Variants in MEGF9 observed in about 807,000 individuals in gnomAD.
MEGF9 encodes multiple epidermal growth factor-like domains protein 9.
MEGF9 carries 6 observed loss-of-function variants against 46.8 expected under a neutral mutation model. The observed-to-expected ratio is 0.13, with a 90% CI of 0.07 to 0.25. MEGF9 has a LOEUF of 0.25. MEGF9 is among the 10% of genes least tolerant of loss of function. MEGF9 has a pLI of 1.00. For synonymous variants in MEGF9, 302 were observed against 330.7 expected (o/e 0.91, Z 0.94); for missense variants, 683 against 792.4 (o/e 0.86, Z 1.66).
At position 120,605,799 on chromosome 9, in the gene MEGF9, T is replaced by C. The variant is rs1010982514; in HGVS notation, c.1358-158A>G. 6.6e-6 allele frequency among the ~76,000 whole-genome samples: 1 copy of C among 152,154 alleles called. No homozygotes were observed. Among genetic ancestry groups the C allele is most frequent in the Admixed American group, 6.5e-5 (1 of 15,274 alleles). The stretch of plus-strand genomic sequence containing the variant: ...GTTAAAAATAATGTTTAAAGAAATA[T>C]AGTGATAAGGGTAAGAATCAGGGTC... On this transcript the variant is annotated intron_variant, in intron 5 of 5. Transcript: ENST00000373930. This position sits in a 1 kb window ranked among gnomAD's most constrained non-coding sequence, Gnocchi z 4.0.
At chr9:120,693,834 T>G (rs1444521493) in intron 1 of MEGF9, among the ~76,000 whole-genome samples, 1 of 152,172 alleles carries the variant, frequency 6.6e-6, no homozygotes. Flanking sequence ...AATGTCATCC[T>G]GGCTAATGTA....
chr9:120,625,897 G>A (rs1389194001), intron 2 of MEGF9, among the ~76,000 whole-genome samples: 2 of 150,726 alleles, frequency 1.3e-5, no homozygotes, highest in Non-Finnish European at 3.0e-5. Flanking sequence ...AGCTTTGCCT[G>A]TGTGACTTCC....
At chr9:120,663,611 G>A (rs1001474068) in intron 1 of MEGF9, among the ~76,000 whole-genome samples, 3 of 152,322 alleles carry the variant, frequency 2.0e-5, no homozygotes, top group Middle Eastern at 3.4e-3. Context: ...TCTGCAACAT[G>A]ATTAATGGCA....
At chr9:120,699,485 C>T (rs925209331) in intron 1 of MEGF9, among the ~76,000 whole-genome samples, 3 of 151,120 alleles carry the variant, frequency 2.0e-5, no homozygotes, top group Non-Finnish European at 4.4e-5. Context: ...TGTGAGGCTG[C>T]GATAGGAAGA....
intron 2 of MEGF9, among the ~76,000 whole-genome samples, chr9:120,635,028 T>C (rs974384528): frequency 6.6e-6 from 1 of 152,232 alleles, no homozygotes; most frequent in Non-Finnish European, 1.5e-5. Flanking sequence ...CCTCAGTTTT[T>C]GCTTATCTGG....
intron 1 of MEGF9, 135 bp downstream of exon 1, chr9:120,713,623 G>A: frequency 1.7e-6 from 2 of 1,185,170 alleles, no homozygotes; most frequent in Non-Finnish European, 2.1e-6. Flanking sequence ...AGCTGGACCT[G>A]GGATCCCCCC....
intron 2 of MEGF9, among the ~76,000 whole-genome samples, chr9:120,631,800 C>A (rs1358477329): frequency 1.3e-5 from 2 of 152,100 alleles, no homozygotes; most frequent in Non-Finnish European, 2.9e-5. Flanking sequence ...TTTTCTATTT[C>A]TGTGAAGAAT....
chr9:120,699,389 T>A (rs1360161566), intron 1 of MEGF9, among the ~76,000 whole-genome samples: 1 of 152,082 alleles, frequency 6.6e-6, no homozygotes, highest in Non-Finnish European at 1.5e-5. Context: ...CTACAATGTT[T>A]ATTGTAGAAA....
chr9:120,708,991 T>G (rs2043940856), intron 1 of MEGF9, among the ~76,000 whole-genome samples: 1 of 152,164 alleles, frequency 6.6e-6, no homozygotes, highest in Non-Finnish European at 1.5e-5. Flanking sequence ...CTACTGTGAT[T>G]AGGAACTAAC....
intron 3 of MEGF9, among the ~76,000 whole-genome samples, chr9:120,615,596 G>A (rs2043468892): frequency 6.6e-6 from 1 of 151,856 alleles, no homozygotes; most frequent in African/African-American, 2.4e-5. Flanking sequence ...ATGAAAGCAA[G>A]TATAAGTATA....
chr9:120,712,479 T>A (rs1241048995), intron 1 of MEGF9, among the ~76,000 whole-genome samples: 2 of 152,150 alleles, frequency 1.3e-5, no homozygotes, highest in African/African-American at 4.8e-5. Flanking sequence ...CTCTCAGTAA[T>A]ATGTCAATCT....
chr9:120,711,599 G>C (rs774448721), intron 1 of MEGF9, among the ~76,000 whole-genome samples: 1 of 151,990 alleles, frequency 6.6e-6, no homozygotes, highest in Non-Finnish European at 1.5e-5. Flanking sequence ...TTTTTTGCCA[G>C]TAGGGGTTAC....
At chr9:120,609,077 C>G (rs2043433113) in intron 4 of MEGF9, among the ~76,000 whole-genome samples, 1 of 152,162 alleles carries the variant, frequency 6.6e-6, no homozygotes, top group Non-Finnish European at 1.5e-5. Context: ...GGTTCCCTAA[C>G]TCCTTCAGGA....
intron 1 of MEGF9, among the ~76,000 whole-genome samples, chr9:120,691,840 G>T (rs947338450): frequency 6.6e-6 from 1 of 152,128 alleles, no homozygotes; most frequent in Non-Finnish European, 1.5e-5. Context: ...GCATTAGAAA[G>T]AATTAAGAAA....
At chr9:120,612,950 A>G (rs2043455585) in intron 3 of MEGF9, among the ~76,000 whole-genome samples, 2 of 134,188 alleles carry the variant, frequency 1.5e-5, no homozygotes, top group South Asian at 4.7e-4. Context: ...TTTTTTAGAG[A>G]TGGGGCCTCC....
intron 2 of MEGF9, among the ~76,000 whole-genome samples, chr9:120,657,237 C>T (rs2043681269): frequency 6.6e-6 from 1 of 152,348 alleles, no homozygotes; most frequent in Admixed American, 6.5e-5. Context: ...TCTGCAGACC[C>T]CTGCCCTAGG....
chr9:120,615,077 T>C (rs1356164027), intron 3 of MEGF9, among the ~76,000 whole-genome samples: 1 of 151,434 alleles, frequency 6.6e-6, no homozygotes, highest in Non-Finnish European at 1.5e-5. Context: ...CTATCTCTAT[T>C]AAAAATACAA....
intron 1 of MEGF9, among the ~76,000 whole-genome samples, chr9:120,696,619 T>C (rs1424829313): frequency 2.6e-5 from 4 of 152,162 alleles, no homozygotes; most frequent in Non-Finnish European, 5.9e-5. Context: ...AAGGAAAATA[T>C]AAGCCATTTC....
chr9:120,611,886 A>AG (rs1564411732), intron 4 of MEGF9, among the ~76,000 whole-genome samples: 20 of 150,288 alleles, frequency 1.3e-4, no homozygotes, highest in East Asian at 9.7e-4. Flanking sequence ...AGAGAGAGAG[A>AG]AAGAAAGAAA....
Sources: allele counts gnomAD v4.1 joint callset (sites outside exome capture counted in the v4.1 genomes callset), GRCh38; gene constraint gnomAD v4.1.1; non-coding constraint Gnocchi (gnomAD v3.1); transcripts MANE v1.5; gene names NCBI Gene and HGNC (gene_info 2026-07-23, HGNC 2026-07-21).